The following RSRP1 variants were observed in gnomAD, a reference collection of about 807,000 sequenced individuals.
The protein encoded by RSRP1 is arginine/serine-rich protein 1.
Under a neutral mutation model 33.0 loss-of-function variants are expected in RSRP1, and 37 were observed. The observed-to-expected ratio is 1.12, with a 90% CI of 0.86 to 1.48. The LOEUF (loss-of-function observed/expected upper bound fraction) is 1.48, where lower values mean the gene tolerates loss of function less well. Among genes scored for constraint, RSRP1 ranks in the 40% most tolerant of loss-of-function variants. The pLI is 0.00. For synonymous variants in RSRP1, 167 were observed against 158.7 expected, an observed-to-expected ratio of 1.05 and a Z score of -0.40; for missense variants, 402 against 385.3, an observed-to-expected ratio of 1.04 and a Z score of -0.36.
chr1:25,330,962 T>C (rs1229336320), intron 1 of RSRP1, among the ~76,000 whole-genome samples: 1 of 83,218 alleles, frequency 1.2e-5, no homozygotes, highest in Non-Finnish European at 2.9e-5. Context: ...CCTTTTTTTT[T>C]TTTTTTTTTT....
At chr1:25,301,815 C>T in intron 1 of RSRP1, 1 of 753,796 alleles carries the variant, frequency 1.3e-6, no homozygotes. Context: ...CTGTGCCTGC[C>T]TCTACAGTGG....
chr1:25,296,051 C>T (rs1238935258), intron 1 of RSRP1, among the ~76,000 whole-genome samples: 2 of 111,842 alleles, frequency 1.8e-5, no homozygotes, highest in Admixed American at 1.7e-4. Flanking sequence ...TTAGTAGAGA[C>T]GGAGTTTTGC....
In RSRP1 at chr1:25,285,025, C is replaced by T. The variant is rs1041066548; in HGVS notation, c.-66-37996G>A. Among the ~76,000 whole-genome samples the T allele has an allele frequency of 6.7e-5, 9 of 134,492 alleles. No individual in the cohort carries two copies. In the East Asian group the frequency reaches 7.7e-4, roughly 12 times the overall value. The allele number at this position is 134,492 out of a possible 152,430, so 88.2% of individuals were successfully genotyped here. A position where few individuals can be genotyped will look rare whatever the true frequency, so the allele number is the denominator to read the frequency against. ...TGCATCCTTTCTTTCCTGTTATTGT[C>T]GATTATGATTTTGTAAAGTTACATA... On this transcript the variant is annotated intron_variant, in intron 1 of 1. Coordinates refer to the RSRP1 transcript ENST00000561867.
chr1:25,319,277 G>A lies in RSRP1; in HGVS notation c.-67+18701C>T, dbSNP rs1384495143. Reference sequence around the variant, plus strand: ...ATCATATTGTTCCTTTAAGAGTTAAGACCAACAAGTTTTCTTCTTTACATG... The same window carrying A: ...ATCATATTGTTCCTTTAAGAGTTAAAACCAACAAGTTTTCTTCTTTACATG... On this transcript the variant is annotated intron_variant, in intron 1 of 1. Transcript: ENST00000561867. 5.3e-5 allele frequency among the ~76,000 whole-genome samples: 7 copies of A among 131,604 alleles called. 3 individuals carry two copies. The highest frequency in any genetic ancestry group is 1.3e-4 in the Non-Finnish European group (7 of 55,684). 86.3% of individuals were successfully genotyped at this position (131,604 alleles called of 152,430 possible).
intron 1 of RSRP1, chr1:25,253,795 C>T (rs901421495): frequency 6.6e-6 from 1 of 152,366 alleles, no homozygotes; most frequent in Non-Finnish European, 1.5e-5. Context: ...AGCCCAAGGT[C>T]AAAGAGCCAT....
chr1:25,274,793 G>C lies in RSRP1; in HGVS notation c.-66-27764C>G, dbSNP rs1640800161. ...AGGCCAAGGCTGGAGAATCACCTGA[G>C]GTTAGGAGTTCGAGACCAGCCTGGC... On this transcript the variant is annotated intron_variant, in intron 1 of 1. Coordinates refer to the RSRP1 transcript ENST00000561867. Among the ~76,000 whole-genome samples the C allele has an allele frequency of 1.5e-5, 2 of 133,802 alleles. 1 individual carries two copies. Among genetic ancestry groups the C allele is most frequent in the Non-Finnish European group, 3.6e-5 (2 of 56,220 alleles). The allele number at this position is 133,802 out of a possible 152,430, so 87.8% of individuals were successfully genotyped here. A position where few individuals can be genotyped will look rare whatever the true frequency, so the allele number is the denominator to read the frequency against.
intron 1 of RSRP1, among the ~76,000 whole-genome samples, chr1:25,275,940 G>A (rs1347656549): frequency 7.6e-6 from 1 of 132,184 alleles, no homozygotes; most frequent in Non-Finnish European, 1.8e-5. Flanking sequence ...CTTCCAATCT[G>A]TGTTTTTCTG....
Position 25,281,768 on chromosome 1 carries a change from C to T in RSRP1, c.-66-34739G>A, listed in dbSNP as rs145695649. 3.0e-5 allele frequency among the ~76,000 whole-genome samples: 4 copies of T among 131,824 alleles called. 1 individual carries two copies. The highest frequency in any genetic ancestry group is 5.2e-5 in the African/African-American group (2 of 38,514). 86.5% of individuals were successfully genotyped at this position (131,824 alleles called of 152,430 possible). On this transcript the variant is annotated intron_variant, in intron 1 of 1. Transcript: ENST00000561867. ...CTTCCTAATGCCCACTTCTCACCCACGCCCCAAATCCCCAGGTCCCATGGA... is the reference window on the plus strand; with the variant it reads ...CTTCCTAATGCCCACTTCTCACCCATGCCCCAAATCCCCAGGTCCCATGGA...
At chr1:25,245,779 A>G (rs1304328127) in intron 2 of RSRP1, among the ~76,000 whole-genome samples, 1 of 152,078 alleles carries the variant, frequency 6.6e-6, no homozygotes, top group Non-Finnish European at 1.5e-5. Flanking sequence ...GCTAATAGTG[A>G]TATTATTTTG....
At chr1:25,247,057 T>C (rs1639503372) in intron 1 of RSRP1, 28 bp from the exon 2 acceptor site, 12 of 1,309,496 alleles carry the variant, frequency 9.2e-6, no homozygotes, top group Admixed American at 2.6e-5. Flanking sequence ...AAAAAACAAG[T>C]CGAGTCGCGG....
chr1:25,335,746 G>T (rs1488240227), intron 1 of RSRP1: 1 of 70,358 alleles, frequency 1.4e-5, no homozygotes, highest in South Asian at 4.3e-4. Context: ...GTGTGCACAT[G>T]CATGTGTATG....
At chr1:25,244,523 A>C in intron 3 of RSRP1, 2 of 1,289,378 alleles carry the variant, frequency 1.6e-6, no homozygotes, top group South Asian at 2.5e-5. Flanking sequence ...TAGAGCAGAT[A>C]AACTATACTG....
chr1:25,289,761 G>C (rs1251729332), intron 1 of RSRP1, among the ~76,000 whole-genome samples: 5 of 126,952 alleles, frequency 3.9e-5, no homozygotes, highest in African/African-American at 1.4e-4. Context: ...CACTAGCCTT[G>C]TGATATCACA....
rs773501535 is a variant in RSRP1, at chr1:25,242,704, T to C, written c.758A>G (p.Asn253Ser). Residue 253 changes from asparagine (N) to serine (S), a missense_variant and splice_region_variant, in exon 5 of 5, where the codon AAT becomes AGT. Transcript: ENST00000243189. ...QQRSIAFSSN[N>S]SVAKPIQKSA... is the part of the protein sequence containing the mutation. ...TTTTTGTATTGGCTTTGCTACAGAA[T>C]TCTGTAAAAGAACAAATTCAGTCAG... 3 of 1,594,194 alleles carry C rather than the reference T, an allele frequency of 1.9e-6. No individual in the cohort carries two copies. Among genetic ancestry groups the C allele is most frequent in the Non-Finnish European group, 2.6e-6 (3 of 1,172,316 alleles).
intron 1 of RSRP1, among the ~76,000 whole-genome samples, chr1:25,260,242 T>G (rs1332713387): frequency 6.6e-6 from 1 of 152,260 alleles, no homozygotes; most frequent in Non-Finnish European, 1.5e-5. Flanking sequence ...AGACCAAGGT[T>G]CTTTTTGTTT....
chr1:25,270,218 C>T (rs1348667037), intron 1 of RSRP1, among the ~76,000 whole-genome samples: 1 of 131,228 alleles, frequency 7.6e-6, no homozygotes, highest in African/African-American at 2.6e-5. Context: ...GGGGTACCCT[C>T]CCCCTTAATT....
Position 25,318,721 on chromosome 1 carries a change from C to T in RSRP1, c.-67+19257G>A, listed in dbSNP as rs185127067. On this transcript the variant is annotated intron_variant, in intron 1 of 1. Transcript: ENST00000561867. ...TGAATGCCAAATAAGAGACAAATGG[C>T]GTAAGACACTATGAGTTGTGTGACG... Among the ~76,000 whole-genome samples the T allele has an allele frequency of 2.4e-3, 315 of 132,962 alleles. 44 individuals carry two copies. The highest frequency in any genetic ancestry group is 7.4e-3 in the African/African-American group (289 of 39,096). The allele number at this position is 132,962 out of a possible 152,430, so 87.2% of individuals were successfully genotyped here.
Position 25,310,005 on chromosome 1 carries a change from T to C in RSRP1, c.-67+27973A>G, listed in dbSNP as rs1302858701. 1.6e-4 allele frequency among the ~76,000 whole-genome samples: 21 copies of C among 132,946 alleles called. 6 individuals are homozygous for C. The highest frequency in any genetic ancestry group is 4.4e-4 in the Admixed American group (6 of 13,626). The allele number at this position is 132,946 out of a possible 152,430, so 87.2% of individuals were successfully genotyped here. A position where few individuals can be genotyped will look rare whatever the true frequency, so the allele number is the denominator to read the frequency against. ...AAAAAACCCCAAAAAACCCAACTTA[T>C]ATAGTATAAGCTATATCCAGAAAAG... On this transcript the variant is annotated intron_variant, in intron 1 of 1. Coordinates refer to the RSRP1 transcript ENST00000561867.
At position 25,299,134 on chromosome 1, in the gene RSRP1, C is replaced by T. The variant is rs192683185; in HGVS notation, c.-67+38844G>A. ...CAGTGGCTCATGCCTGTAATCCCAGCGCTTTGGGAGGCCAAGGCGGATGGA... is the reference window on the plus strand; with the variant it reads ...CAGTGGCTCATGCCTGTAATCCCAGTGCTTTGGGAGGCCAAGGCGGATGGA... On this transcript the variant is annotated intron_variant, in intron 1 of 1. Transcript: ENST00000561867. 2.5e-3 allele frequency among the ~76,000 whole-genome samples: 310 copies of T among 123,842 alleles called. 38 individuals carry two copies. Among genetic ancestry groups the T allele is most frequent in the African/African-American group, 8.0e-3 (289 of 36,012 alleles). 81.2% of individuals were successfully genotyped at this position (123,842 alleles called of 152,430 possible). A position where few individuals can be genotyped will look rare whatever the true frequency, so the allele number is the denominator to read the frequency against.
Sources: allele counts gnomAD v4.1 joint callset (sites outside exome capture counted in the v4.1 genomes callset), GRCh38; gene constraint gnomAD v4.1.1; transcripts MANE v1.5; gene names NCBI Gene and HGNC (gene_info 2026-07-23, HGNC 2026-07-21).